The following COX7B2 variants were observed in gnomAD, a reference collection of about 807,000 sequenced individuals.
The protein encoded by COX7B2 is cytochrome c oxidase subunit 7B2.
For missense variants in COX7B2, 109 were observed against 95.9 expected, an observed-to-expected ratio of 1.14 and a Z score of -0.57; for synonymous variants, 37 against 32.1, an observed-to-expected ratio of 1.15 and a Z score of -0.51.
chr4:46,831,796 G>A (rs1286031862), intron 2 of COX7B2, among the ~76,000 whole-genome samples: 1 of 152,144 alleles, frequency 6.6e-6, no homozygotes, highest in African/African-American at 2.4e-5. Context: ...CTCAAGGTTT[G>A]TAAATGCACC....
intron 1 of COX7B2, among the ~76,000 whole-genome samples, chr4:46,865,262 A>G (rs1040886722): frequency 3.9e-5 from 6 of 152,182 alleles, no homozygotes; most frequent in Non-Finnish European, 4.4e-5. Context: ...TCCATCCAAC[A>G]TGCTGTAGAA....
intron 2 of COX7B2, among the ~76,000 whole-genome samples, chr4:46,757,888 A>G (rs182541279): frequency 1.7e-4 from 26 of 152,300 alleles, no homozygotes; most frequent in African/African-American, 5.8e-4. Context: ...CTGAGGCAGA[A>G]AGTGAAAAAA....
intron 1 of COX7B2, among the ~76,000 whole-genome samples, chr4:46,877,023 A>C (rs1718384006): frequency 6.6e-6 from 1 of 152,204 alleles, no homozygotes; most frequent in South Asian, 2.1e-4. Flanking sequence ...TTTGAACTAA[A>C]ACCATTAGCA....
At chr4:46,819,536 A>C (rs2109688289) in intron 2 of COX7B2, among the ~76,000 whole-genome samples, 1 of 142,646 alleles carries the variant, frequency 7.0e-6, no homozygotes, top group African/African-American at 2.6e-5. Flanking sequence ...ATAGCTGATG[A>C]GCTAAAAAAA....
rs75349358 is a variant in COX7B2 at position 46,798,387 on chromosome 4, A to G, written c.-50+46573T>C. ...CCCAAAAAGCTTGTAGCATTGAGTG[A>G]GGCCATCAAAGGAAGGCTCTACAAC... On this transcript the variant is annotated intron_variant, in intron 2 of 2. Transcript: ENST00000355591. 4.6e-3 allele frequency among the ~76,000 whole-genome samples: 699 copies of G among 152,290 alleles called. 6 individuals carry two copies. Among genetic ancestry groups the G allele is most frequent in the African/African-American group, 0.016 (677 of 41,552 alleles).
chr4:46,887,072 C>A (rs2109860997), intron 1 of COX7B2, among the ~76,000 whole-genome samples: 1 of 151,996 alleles, frequency 6.6e-6, no homozygotes, highest in East Asian at 1.9e-4. Flanking sequence ...TTAAGGAAGG[C>A]TTAATAAAAA....
intron 2 of COX7B2, among the ~76,000 whole-genome samples, chr4:46,737,964 G>C (rs1714465715): frequency 1.3e-5 from 2 of 152,052 alleles, no homozygotes; most frequent in Non-Finnish European, 2.9e-5. Context: ...TTTCTTCCGA[G>C]GTTCAAGATA....
intron 1 of COX7B2, among the ~76,000 whole-genome samples, chr4:46,877,886 C>T (rs1352419967): frequency 6.6e-6 from 1 of 151,978 alleles, no homozygotes; most frequent in African/African-American, 2.4e-5. Flanking sequence ...GGGTATATAC[C>T]TAAAGGAAAT....
At chr4:46,891,713 T>C (rs893616797) in intron 1 of COX7B2, among the ~76,000 whole-genome samples, 1 of 152,192 alleles carries the variant, frequency 6.6e-6, no homozygotes, top group Non-Finnish European at 1.5e-5. Context: ...TCTAGCTTCT[T>C]GCCCTTCTCT....
chr4:46,801,979 C>G (rs1235425061), intron 2 of COX7B2, among the ~76,000 whole-genome samples: 1 of 152,066 alleles, frequency 6.6e-6, no homozygotes, highest in African/African-American at 2.4e-5. Flanking sequence ...GAAAGTGAGG[C>G]CTAGACACAA....
intron 2 of COX7B2, among the ~76,000 whole-genome samples, chr4:46,819,106 C>T (rs1325119434): frequency 1.3e-5 from 2 of 152,110 alleles, no homozygotes; most frequent in South Asian, 2.1e-4. Context: ...TTTAAAAAAC[C>T]ATGTAGCCTT....
chr4:46,857,089 A>G (rs1717050487), intron 1 of COX7B2, among the ~76,000 whole-genome samples: 1 of 152,216 alleles, frequency 6.6e-6, no homozygotes, highest in Non-Finnish European at 1.5e-5. Flanking sequence ...ATAGTGAAGA[A>G]AACAAGCACA....
At chr4:46,898,481 G>C (rs1204357336) in intron 1 of COX7B2, among the ~76,000 whole-genome samples, 1 of 152,102 alleles carries the variant, frequency 6.6e-6, no homozygotes, top group Admixed American at 6.6e-5. Flanking sequence ...GCAGTGGTGT[G>C]ATCATGGCTC....
intron 1 of COX7B2, among the ~76,000 whole-genome samples, chr4:46,891,604 A>C (rs1290086811): frequency 1.3e-5 from 2 of 152,312 alleles, no homozygotes; most frequent in East Asian, 3.9e-4. Flanking sequence ...ACTACCTTAG[A>C]TAAAAATGAA....
intron 2 of COX7B2, among the ~76,000 whole-genome samples, chr4:46,754,661 G>C (rs1447312721): frequency 7.0e-6 from 1 of 142,292 alleles, no homozygotes; most frequent in Non-Finnish European, 1.5e-5. Flanking sequence ...TACAATTTGT[G>C]CACATGTACC....
intron 1 of COX7B2, chr4:46,876,744 C>G (rs1210350474): frequency 6.6e-6 from 1 of 151,862 alleles, no homozygotes; most frequent in Non-Finnish European, 1.5e-5. Flanking sequence ...TTTTCTAAAA[C>G]AAGAATAGAA....
intron 1 of COX7B2, among the ~76,000 whole-genome samples, chr4:46,873,589 A>C (rs1442747654): frequency 6.6e-6 from 1 of 152,164 alleles, no homozygotes; most frequent in Admixed American, 6.5e-5. Flanking sequence ...GCATTTTTTC[A>C]TATATCTGTT....
At chr4:46,738,579 A>G (rs1048476313) in intron 2 of COX7B2, among the ~76,000 whole-genome samples, 6 of 152,244 alleles carry the variant, frequency 3.9e-5, no homozygotes, top group East Asian at 1.9e-4. Flanking sequence ...AAGAAAATTC[A>G]AGGAATTTTC....
At chr4:46,877,874 C>A (rs1006199213) in intron 1 of COX7B2, among the ~76,000 whole-genome samples, 1 of 152,028 alleles carries the variant, frequency 6.6e-6, no homozygotes, top group African/African-American at 2.4e-5. Flanking sequence ...AATATCTCTG[C>A]TGGGTATATA....
Sources: allele counts gnomAD v4.1 joint callset (sites outside exome capture counted in the v4.1 genomes callset), GRCh38; gene constraint gnomAD v4.1.1; transcripts MANE v1.5; gene names NCBI Gene and HGNC (gene_info 2026-07-23, HGNC 2026-07-21).